SLC9A9: variants seen among roughly 807,000 people sequenced by gnomAD.
SLC9A9 encodes solute carrier family 9 member A9, also known as sodium/hydrogen exchanger 9.
SLC9A9 carries 62 observed loss-of-function variants against 77.8 expected under a neutral mutation model. The observed-to-expected ratio is 0.80, with a 90% CI of 0.65 to 0.98. The LOEUF is 0.98. Ranked by LOEUF, SLC9A9 falls within the 50% of genes least tolerant of loss-of-function variation. The pLI, the probability that SLC9A9 is intolerant of heterozygous loss-of-function variation, is 0.00. For missense variants in SLC9A9, 775 were observed against 774.9 expected, an observed-to-expected ratio of 1.00 and a Z score of 0.00; for synonymous variants, 320 against 283.5, an observed-to-expected ratio of 1.13 and a Z score of -1.29.
intron 14 of SLC9A9, among the ~76,000 whole-genome samples, chr3:143,339,795 G>A (rs2032041826): frequency 6.6e-6 from 1 of 152,062 alleles, no homozygotes; most frequent in African/African-American, 2.4e-5. Context: ...CTGATCATTA[G>A]GTTCATGTTA....
chr3:143,529,048 T>C (rs2036458033), intron 9 of SLC9A9, among the ~76,000 whole-genome samples: 2 of 152,224 alleles, frequency 1.3e-5, no homozygotes, highest in South Asian at 4.2e-4. Context: ...GCCGGTGCCA[T>C]GTGGGAGGAG....
chr3:143,471,713 C>A (rs2035381140), intron 11 of SLC9A9, among the ~76,000 whole-genome samples: 1 of 152,076 alleles, frequency 6.6e-6, no homozygotes, highest in African/African-American at 2.4e-5. Flanking sequence ...TGAGGGTCGA[C>A]AGACTATACC....
At chr3:143,459,043 G>A (rs552309464) in intron 12 of SLC9A9, among the ~76,000 whole-genome samples, 2 of 151,836 alleles carry the variant, frequency 1.3e-5, no homozygotes, top group African/African-American at 4.8e-5. Context: ...CTAATTAAGA[G>A]AATATTTTGT....
intron 9 of SLC9A9, among the ~76,000 whole-genome samples, chr3:143,522,136 C>T (rs746636973): frequency 4.6e-5 from 7 of 152,050 alleles, no homozygotes; most frequent in Non-Finnish European, 8.8e-5. Flanking sequence ...TAAACTTAAA[C>T]CACAAACCTC....
rs374801288 is a variant in SLC9A9 at position 143,479,122 on chromosome 3, G to A, written c.1316-11932C>T. ...ACGGTCTGATTATCCACAAGATCTC[G>A]CTAGTGTTTCACACTCAATAAATGT... On this transcript the variant is annotated intron_variant, in intron 11 of 15. Transcript: ENST00000316549. 7.2e-5 allele frequency among the ~76,000 whole-genome samples: 11 copies of A among 152,260 alleles called. No homozygotes were observed. In the East Asian group the frequency reaches 1.4e-3, roughly 19 times the overall value.
chr3:143,800,323 G>T (rs2008517007), intron 2 of SLC9A9, among the ~76,000 whole-genome samples: 1 of 152,076 alleles, frequency 6.6e-6, no homozygotes, highest in Admixed American at 6.5e-5. Context: ...GTTATCACTT[G>T]CCTGTTACAG....
At chr3:143,737,919 G>C (rs772373406) in intron 4 of SLC9A9, among the ~76,000 whole-genome samples, 2 of 152,178 alleles carry the variant, frequency 1.3e-5, no homozygotes, top group Non-Finnish European at 2.9e-5. Context: ...CACATGCTCT[G>C]TTAATATTTT....
In SLC9A9 at chr3:143,745,400, G is replaced by A. The variant is rs534627632; in HGVS notation, c.533+49601C>T. Among the ~76,000 whole-genome samples, 3 of 152,188 alleles carry A rather than the reference G, an allele frequency of 2.0e-5. No individual in the cohort carries two copies. The East Asian group carries it at 5.8e-4, about 29-fold the overall frequency. On this transcript the variant is annotated intron_variant, in intron 4 of 15. Coordinates refer to ENST00000316549, the MANE Select transcript of SLC9A9 (RefSeq NM_173653.4). ...ATTGTCACCACAATTTTATCTCTTG[G>A]GCTGTACTCATTTTAAAGCAACACT...
intron 14 of SLC9A9, among the ~76,000 whole-genome samples, chr3:143,330,923 T>C (rs940951595): frequency 2.0e-5 from 3 of 152,238 alleles, no homozygotes; most frequent in Non-Finnish European, 2.9e-5. Flanking sequence ...GCCAAAATAG[T>C]TTCTGCTCTG....
intron 14 of SLC9A9, among the ~76,000 whole-genome samples, chr3:143,281,074 C>T (rs951469880): frequency 4.6e-5 from 7 of 152,108 alleles, no homozygotes; most frequent in African/African-American, 1.7e-4. Flanking sequence ...CTAATTCTGG[C>T]CAATGTGCTA....
At chr3:143,787,239 A>G (rs2008081218) in intron 4 of SLC9A9, among the ~76,000 whole-genome samples, 1 of 152,254 alleles carries the variant, frequency 6.6e-6, no homozygotes, top group Admixed American at 6.5e-5. Context: ...TTTTCTTTTT[A>G]ATATAATTGA....
chr3:143,458,641 T>C (rs747999614), intron 12 of SLC9A9, among the ~76,000 whole-genome samples: 6 of 152,122 alleles, frequency 3.9e-5, no homozygotes, highest in Non-Finnish European at 8.8e-5. Flanking sequence ...AGTATATAAT[T>C]TTTTACAATA....
At chr3:143,802,500 G>T (rs1477692379) in intron 2 of SLC9A9, among the ~76,000 whole-genome samples, 1 of 152,174 alleles carries the variant, frequency 6.6e-6, no homozygotes, top group Non-Finnish European at 1.5e-5. Flanking sequence ...GGTCTGGGTA[G>T]ACACTTTCAC....
intron 5 of SLC9A9, 81 bp downstream of exon 5, chr3:143,693,111 G>A (rs553999214): frequency 5.6e-5 from 56 of 999,548 alleles, no homozygotes; most frequent in Non-Finnish European, 7.6e-5. Context: ...TTATGTAGAC[G>A]CAGGTGATGG....
chr3:143,289,971 C>T (rs939669052), intron 14 of SLC9A9, among the ~76,000 whole-genome samples: 13 of 152,224 alleles, frequency 8.5e-5, no homozygotes, highest in African/African-American at 2.9e-4. Flanking sequence ...ACTCCTCTCT[C>T]TGCTCATCAT....
chr3:143,540,890 A>G (rs1559959631), intron 9 of SLC9A9, among the ~76,000 whole-genome samples: 1 of 152,210 alleles, frequency 6.6e-6, no homozygotes, highest in Non-Finnish European at 1.5e-5. Flanking sequence ...TAAATTTTTT[A>G]AAACCTGGGT....
chr3:143,329,330 G>A (rs555101824), intron 14 of SLC9A9, among the ~76,000 whole-genome samples: 1 of 152,186 alleles, frequency 6.6e-6, no homozygotes, highest in Admixed American at 6.5e-5. Context: ...TGAGACCAGG[G>A]GCTGACCAGA....
chr3:143,728,409 C>T (rs149714014), intron 4 of SLC9A9, among the ~76,000 whole-genome samples: 6 of 152,076 alleles, frequency 3.9e-5, no homozygotes, highest in Non-Finnish European at 7.4e-5. Flanking sequence ...TGGATGGACA[C>T]AGGCCTTGAG....
chr3:143,621,018 C>G (rs562841056), intron 6 of SLC9A9, among the ~76,000 whole-genome samples: 2 of 152,176 alleles, frequency 1.3e-5, no homozygotes, highest in Admixed American at 6.5e-5. Context: ...TCGCTCATTG[C>G]TAGCACAGCA....
Sources: gnomAD v4.1 joint callset for allele counts (sites outside exome capture counted in the v4.1 genomes callset) on GRCh38, gnomAD v4.1.1 for gene constraint, MANE v1.5 for transcripts, NCBI Gene and HGNC (gene_info 2026-07-23, HGNC 2026-07-21) for gene names.